Variants in FOXD1 observed in about 807,000 individuals in gnomAD.
FOXD1 encodes forkhead box protein D1.
FOXD1 carries 4 observed loss-of-function variants against 2.0 expected under a neutral mutation model. The observed-to-expected ratio is 2.03, with a 90% CI of 1.00 to 4.64. The LOEUF is 4.64. FOXD1 is among the 30% of genes most tolerant of loss of function. The probability of loss-of-function intolerance (pLI) is 0.01; values close to 1 mark genes in which losing one functional copy is unlikely to be tolerated. For synonymous variants in FOXD1, 354 were observed against 328.5 expected, an observed-to-expected ratio of 1.08 and a Z score of -0.84; for missense variants, 586 against 647.6, an observed-to-expected ratio of 0.90 and a Z score of 1.03.
chr5:73,448,403 C>G lies in FOXD1; in HGVS notation c.-41G>C, dbSNP rs1277179747. ...GCGGCGGGGCGGCGCATGGGGGCGC[C>G]GGGCTCCGGGCTCCCTCTGCGCCCC... On this transcript the variant is annotated 5_prime_UTR_variant, in exon 1 of 1. Coordinates refer to ENST00000615637, the MANE Select transcript of FOXD1 (RefSeq NM_004472.3). The G allele has an allele frequency of 1.4e-5, 16 of 1,130,156 alleles. No individual in the cohort carries two copies. Among genetic ancestry groups the G allele is most frequent in the African/African-American group, 1.2e-4 (7 of 59,714 alleles). 70.0% of individuals were successfully genotyped at this position (1,130,156 alleles called of 1,614,324 possible).
chr5:73,447,255 C>G lies in FOXD1; in HGVS notation c.1108G>C (p.Gly370Arg). 1.0e-6 allele frequency: 1 copy of G among 991,462 alleles called. No homozygotes were observed. The highest frequency in any genetic ancestry group is 1.2e-6 in the Non-Finnish European group (1 of 837,416). 61.4% of individuals were successfully genotyped at this position (991,462 alleles called of 1,614,324 possible). A position where few individuals can be genotyped will look rare whatever the true frequency, so the allele number is the denominator to read the frequency against. The change falls in exon 1 of 1, where the codon GGC (glycine) becomes CGC (arginine). Residue 370 changes from glycine (G) to arginine (R), a missense_variant. Gly to Arg is a moderately radical substitution (Grantham distance 125, BLOSUM62 -2). Coordinates refer to ENST00000615637, the MANE Select transcript of FOXD1 (RefSeq NM_004472.3). The surrounding 1 kb of genome is among the most constrained non-coding windows in gnomAD (Gnocchi z 7.8). ...GCAGCGGCGGCCGGGCCCAAGCTGC[C>G]CCCGATGATGCTCTCGATGGAGAAG... ...SPFSIESIIG[G>R]SLGPAAAAAA... is the part of the protein sequence containing the mutation.
rs1745549030 is a variant in FOXD1, at chr5:73,448,264, C to T, written c.99G>A (p.Glu33=). 7 of 1,479,430 alleles carry T rather than the reference C, an allele frequency of 4.7e-6. No homozygotes were observed. The East Asian group carries it at 2.0e-4, about 43-fold the overall frequency. 91.6% of individuals were successfully genotyped at this position (1,479,430 alleles called of 1,614,324 possible). The change falls in exon 1 of 1, where the codon GAG becomes GAA. Residue 33 remains glutamate (E), a synonymous_variant. Transcript: ENST00000615637. ...CACCGCCGCCCTCGTCGTCGTCCTC[C>T]TCTTCCTCGTCTTCTTCGTCCTCGC... ...GEGEDEEDEE[E]EDDDEGGGGG... is the part of the protein sequence containing the mutation.
In FOXD1 at chr5:73,448,510, G is replaced by A. The variant is rs1173296094; in HGVS notation, c.-148C>T. On this transcript the variant is annotated 5_prime_UTR_variant, in exon 1 of 1. Coordinates refer to ENST00000615637, the MANE Select transcript of FOXD1 (RefSeq NM_004472.3). ...ACTGCGGCTGCCGGAGCTGCGCCGG[G>A]GCTGCCGGGTGGCGGCGGAGTCTCG... 3.1e-6 allele frequency: 1 copy of A among 322,960 alleles called. No individual in the cohort carries two copies. Among genetic ancestry groups the A allele is most frequent in the Non-Finnish European group, 4.5e-6 (1 of 224,406 alleles). The allele number at this position is 322,960 out of a possible 1,614,324, so 20.0% of individuals were successfully genotyped here.
Position 73,447,261 on chromosome 5 carries a change from T to C in FOXD1, c.1102A>G (p.Ile368Val). The change falls in exon 1 of 1, where the codon ATC (isoleucine) becomes GTC (valine). Residue 368 changes from isoleucine to valine, a missense_variant. Coordinates refer to ENST00000615637, the MANE Select transcript of FOXD1 (RefSeq NM_004472.3). This position sits in a 1 kb window ranked among gnomAD's most constrained non-coding sequence, Gnocchi z 7.8. ...GCGGCCGGGCCCAAGCTGCCCCCGA[T>C]GATGCTCTCGATGGAGAAGGGCGAG... ...ARSPFSIESI[I>V]GGSLGPAAAA... The C allele has an allele frequency of 2.0e-6, 2 of 989,636 alleles. No homozygotes were observed. The highest frequency in any genetic ancestry group is 2.4e-6 in the Non-Finnish European group (2 of 836,972). The allele number at this position is 989,636 out of a possible 1,614,324, so 61.3% of individuals were successfully genotyped here.
Position 73,448,288 on chromosome 5 carries a change from G to A in FOXD1, c.75C>T (p.Gly25=), listed in dbSNP as rs374981506. The change falls in exon 1 of 1, where the codon GGC becomes GGT. Residue 25 remains glycine (G), a synonymous_variant. Transcript: ENST00000615637. The part of the protein sequence containing the change: ...EETDIDVVGE[G]EDEEDEEEED... The stretch of plus-strand genomic sequence containing the variant: ...CCTCTTCCTCGTCTTCTTCGTCCTC[G>A]CCCTCCCCCACCACGTCGATGTCTG... The A allele has an allele frequency of 2.7e-6, 4 of 1,471,328 alleles. No homozygotes were observed. The highest frequency in any genetic ancestry group is 1.3e-5 in the South Asian group (1 of 78,638). 91.1% of individuals were successfully genotyped at this position (1,471,328 alleles called of 1,614,324 possible).
Position 73,447,695 on chromosome 5 carries a change from C to G in FOXD1, c.668G>C (p.Arg223Pro), listed in dbSNP as rs1044311080. ...GGCGTTGGGTGGGAGCAGCGGCTGC[C>G]GCTTGAAGCGCTTCCTCCGGCGCAG... ...SFLRRRKRFK[R>P]QPLLPPNAAA... The change falls in exon 1 of 1, where the codon CGG becomes CCG. Residue 223 changes from arginine (R) to proline (P), a missense_variant. This residue lies in a region of FOXD1 where 253 missense variants were observed against 234.4 expected (regional missense o/e 1.08). Coordinates refer to ENST00000615637, the MANE Select transcript of FOXD1 (RefSeq NM_004472.3). The surrounding 1 kb of genome is among the most constrained non-coding windows in gnomAD (Gnocchi z 7.8). 1.9e-6 allele frequency: 3 copies of G among 1,605,244 alleles called. No individual in the cohort carries two copies. Among genetic ancestry groups the G allele is most frequent in the African/African-American group, 2.7e-5 (2 of 74,434 alleles).
rs1484332670 is a variant in FOXD1, at chr5:73,448,207, C to T, written c.156G>A (p.Arg52=). ...GGPRLAVPAQ[R]RRRRRSYAGE... ...CGGCGTACGAGCGCCGCCGCCGCCG[C>T]CGCTGCGCGGGGACAGCCAGCCGGG... Residue 52 remains arginine, a synonymous_variant, in exon 1 of 1, where the codon CGG becomes CGA. Coordinates refer to ENST00000615637, the MANE Select transcript of FOXD1 (RefSeq NM_004472.3). 6.1e-6 allele frequency: 9 copies of T among 1,464,080 alleles called. No homozygotes were observed. Among genetic ancestry groups the T allele is most frequent in the Admixed American group, 2.4e-5 (1 of 40,868 alleles). The allele number at this position is 1,464,080 out of a possible 1,614,324, so 90.7% of individuals were successfully genotyped here. A position where few individuals can be genotyped will look rare whatever the true frequency, so the allele number is the denominator to read the frequency against.
chr5:73,447,217 C>CGCGGCGGCG lies in FOXD1; in HGVS notation c.1137_1145dup (p.Ala380_Ala382dup). 2.2e-6 allele frequency: 2 copies of CGCGGCGGCG among 903,854 alleles called. No individual in the cohort carries two copies. Among genetic ancestry groups the CGCGGCGGCG allele is most frequent in the South Asian group, 4.8e-5 (1 of 20,888 alleles). 56.0% of individuals were successfully genotyped at this position (903,854 alleles called of 1,614,324 possible). ...AGGCCTGAGCGGCGGCGGCGGCCTG[C>CGCGGCGGCG]GCGGCGGCGGCGGCAGCGGCGGCCG... On this transcript the variant is annotated inframe_insertion, in exon 1 of 1. Coordinates refer to ENST00000615637, the MANE Select transcript of FOXD1 (RefSeq NM_004472.3). This position sits in a 1 kb window ranked among gnomAD's most constrained non-coding sequence, Gnocchi z 7.8.
chr5:73,447,351 G>C lies in FOXD1; in HGVS notation c.1012C>G (p.Leu338Val). ...GCGGAGGCCGGCAGGGGGCCGGGTA[G>C]GGCGGCGCCGAGCGGGTGCGGCCGG... ...GYRPHPLGAA[L>V]PGPLPASAAK... The change falls in exon 1 of 1, where the codon CTA becomes GTA. Residue 338 changes from leucine (L) to valine (V), a missense_variant. Leu to Val is a conservative substitution (Grantham distance 32, BLOSUM62 1). Coordinates refer to ENST00000615637, the MANE Select transcript of FOXD1 (RefSeq NM_004472.3). The surrounding 1 kb of genome is among the most constrained non-coding windows in gnomAD (Gnocchi z 7.8). 1.0e-6 allele frequency: 1 copy of C among 983,488 alleles called. No homozygotes were observed. Among genetic ancestry groups the C allele is most frequent in the Non-Finnish European group, 1.2e-6 (1 of 830,032 alleles). 60.9% of individuals were successfully genotyped at this position (983,488 alleles called of 1,614,324 possible). A position where few individuals can be genotyped will look rare whatever the true frequency, so the allele number is the denominator to read the frequency against.
Position 73,447,730 on chromosome 5 carries a change from G to A in FOXD1, c.633C>T (p.Asn211=), listed in dbSNP as rs1435214443. The A allele has an allele frequency of 6.2e-7, 1 of 1,610,528 alleles. No homozygotes were observed. Among genetic ancestry groups the A allele is most frequent in the Non-Finnish European group, 8.5e-7 (1 of 1,178,512 alleles). The change falls in exon 1 of 1, where the codon AAC becomes AAT. Residue 211 remains asparagine (N), a synonymous_variant. Coordinates refer to ENST00000615637, the MANE Select transcript of FOXD1 (RefSeq NM_004472.3). This position sits in a 1 kb window ranked among gnomAD's most constrained non-coding sequence, Gnocchi z 7.8. The stretch of plus-strand genomic sequence containing the variant: ...GCTTCCTCCGGCGCAGGAAGCTGCC[G>A]TTGTCGAACATGTCGGCGGACTCCG... ...LDPESADMFD[N]GSFLRRRKRF...
rs1428399134 is a variant in FOXD1, at chr5:73,446,838, G to T, written c.*127C>A. On this transcript the variant is annotated 3_prime_UTR_variant, in exon 1 of 1. Transcript: ENST00000615637. ...ACAGTTTTGTCCGAGAATTCGCAGC[G>T]GCGAAAATGGGCGCGCGAGGTCGAG... is the stretch of plus-strand genomic sequence containing the variant. The T allele has an allele frequency of 6.2e-6, 5 of 804,932 alleles. No individual in the cohort carries two copies. The East Asian group carries it at 1.6e-4, about 26-fold the overall frequency. 49.9% of individuals were successfully genotyped at this position (804,932 alleles called of 1,614,324 possible).
chr5:73,447,179 G>A lies in FOXD1; in HGVS notation c.1184C>T (p.Ser395Leu), dbSNP rs1271405971. 1 of 1,033,102 alleles carries A rather than the reference G, an allele frequency of 9.7e-7. No individual in the cohort carries two copies. The highest frequency in any genetic ancestry group is 1.2e-6 in the Non-Finnish European group (1 of 864,626). 64.0% of individuals were successfully genotyped at this position (1,033,102 alleles called of 1,614,324 possible). Residue 395 changes from serine (S) to leucine (L), a missense_variant, in exon 1 of 1, where the codon TCG becomes TTG. By Grantham distance (145) the Ser-to-Leu change is moderately radical. Coordinates refer to ENST00000615637, the MANE Select transcript of FOXD1 (RefSeq NM_004472.3). This position sits in a 1 kb window ranked among gnomAD's most constrained non-coding sequence, Gnocchi z 7.8. ...AAAAQASPSP[S>L]PVAAPPAPGS... The stretch of plus-strand genomic sequence containing the variant: ...GGGAGCTGGCGGCGCCGCCACCGGC[G>A]AGGGCGAGGGCGAGGCCTGAGCGGC...
chr5:73,448,708 C>T lies in FOXD1; in HGVS notation c.-346G>A, dbSNP rs1745561095. Reference sequence around the variant, plus strand: ...GGCCCGGGCGGGCGAATCAGAACGCCAGGCGCCCAGGAACGTGCGGGACGG... The same window carrying T: ...GGCCCGGGCGGGCGAATCAGAACGCTAGGCGCCCAGGAACGTGCGGGACGG... On this transcript the variant is annotated 5_prime_UTR_variant, in exon 1 of 1. Transcript: ENST00000615637. Among the ~76,000 whole-genome samples the T allele has an allele frequency of 6.6e-6, 1 of 152,020 alleles. No homozygotes were observed. The highest frequency in any genetic ancestry group is 2.4e-5 in the African/African-American group (1 of 41,424).
rs761266002 is a variant in FOXD1, at chr5:73,448,244, C to A, written c.119G>T (p.Gly40Val). Residue 40 changes from glycine to valine, a missense_variant, in exon 1 of 1, where the codon GGC becomes GTC. Transcript: ENST00000615637. ...DEEEEDDDEGGGGGPRLAVPA... is the reference protein window; with the variant it reads ...DEEEEDDDEGVGGGPRLAVPA... ...GACAGCCAGCCGGGGCCCGCCACCGCCGCCCTCGTCGTCGTCCTCCTCTTC... is the reference window on the plus strand; with the variant it reads ...GACAGCCAGCCGGGGCCCGCCACCGACGCCCTCGTCGTCGTCCTCCTCTTC... The A allele has an allele frequency of 1.2e-5, 18 of 1,482,324 alleles. No homozygotes were observed. The highest frequency in any genetic ancestry group is 2.3e-5 in the Admixed American group (1 of 44,404). The allele number at this position is 1,482,324 out of a possible 1,614,324, so 91.8% of individuals were successfully genotyped here.
rs1473975228 is a variant in FOXD1, at chr5:73,448,612, GC to G, written c.-251del. ...GCTCCCTGGGCTCCGCTCGCGCCCGGCCCGGGCGGAGGACTTGACCTTCTCC... is the reference window on the plus strand; with the variant it reads ...GCTCCCTGGGCTCCGCTCGCGCCCGGCCGGGCGGAGGACTTGACCTTCTCC... On this transcript the variant is annotated 5_prime_UTR_variant, in exon 1 of 1. Transcript: ENST00000615637. The G allele has an allele frequency of 1.3e-5, 2 of 152,288 alleles. No individual in the cohort carries two copies. Among genetic ancestry groups the G allele is most frequent in the African/African-American group, 4.8e-5 (2 of 41,432 alleles). 9.4% of individuals were successfully genotyped at this position (152,288 alleles called of 1,614,324 possible).
In FOXD1 at chr5:73,448,219, G is replaced by A; in HGVS notation, c.144C>T (p.Val48=). 3 of 1,480,168 alleles carry A rather than the reference G, an allele frequency of 2.0e-6. No individual in the cohort carries two copies. Among genetic ancestry groups the A allele is most frequent in the South Asian group, 2.5e-5 (2 of 78,994 alleles). The allele number at this position is 1,480,168 out of a possible 1,614,324, so 91.7% of individuals were successfully genotyped here. Residue 48 remains valine (V), a synonymous_variant, in exon 1 of 1, where the codon GTC becomes GTT. Transcript: ENST00000615637. ...GCCGCCGCCGCCGCCGCTGCGCGGGGACAGCCAGCCGGGGCCCGCCACCGC... is the reference window on the plus strand; with the variant it reads ...GCCGCCGCCGCCGCCGCTGCGCGGGAACAGCCAGCCGGGGCCCGCCACCGC... ...EGGGGGPRLA[V]PAQRRRRRRS...
chr5:73,446,950 G>C lies in FOXD1; in HGVS notation c.*15C>G. 2 of 1,537,834 alleles carry C rather than the reference G, an allele frequency of 1.3e-6. No individual in the cohort carries two copies. The highest frequency in any genetic ancestry group is 8.8e-7 in the Non-Finnish European group (1 of 1,138,038). On this transcript the variant is annotated 3_prime_UTR_variant, in exon 1 of 1. Coordinates refer to ENST00000615637, the MANE Select transcript of FOXD1 (RefSeq NM_004472.3). ...GATTCCTACCTTCTTCCTCGAGCGC[G>C]CTAACATAGCGTTATTAACAATTGG...
Position 73,446,986 on chromosome 5 carries a change from A to T in FOXD1, c.1377T>A (p.Thr459=), listed in dbSNP as rs1561240529. The change falls in exon 1 of 1, where the codon ACT becomes ACA. Residue 459 remains threonine (T), a synonymous_variant. Transcript: ENST00000615637. ...GTTATTAACAATTGGAAATCCTAGC[A>T]GTAAAGTTCTCGACACTGGACAGGG... is the stretch of plus-strand genomic sequence containing the variant. ...GTALSSVENF[T]ARISNC The T allele has an allele frequency of 1.3e-6, 2 of 1,547,678 alleles. No individual in the cohort carries two copies. Among genetic ancestry groups the T allele is most frequent in the Non-Finnish European group, 1.7e-6 (2 of 1,145,246 alleles).
Position 73,448,076 on chromosome 5 carries a change from G to A in FOXD1, c.287C>T (p.Ala96Val). ...SPAPPGPAPAAGAGAGGGGGG... is the reference protein window; with the variant it reads ...SPAPPGPAPAVGAGAGGGGGG... ...GCCGCCCCCACCGGCTCCTGCCCCC[G>A]CCGCCGGGGCCGGGCCCGGGGGCGC... Residue 96 changes from alanine (A) to valine (V), a missense_variant, in exon 1 of 1, where the codon GCG becomes GTG. This residue lies in a region of FOXD1 where 183 missense variants were observed against 159.2 expected (regional missense o/e 1.15). Coordinates refer to ENST00000615637, the MANE Select transcript of FOXD1 (RefSeq NM_004472.3). 8.9e-7 allele frequency: 1 copy of A among 1,120,728 alleles called. No individual in the cohort carries two copies. Among genetic ancestry groups the A allele is most frequent in the Non-Finnish European group, 1.1e-6 (1 of 915,290 alleles). 69.4% of individuals were successfully genotyped at this position (1,120,728 alleles called of 1,614,324 possible). A position where few individuals can be genotyped will look rare whatever the true frequency, so the allele number is the denominator to read the frequency against.
Sources: allele counts gnomAD v4.1 joint callset (sites outside exome capture counted in the v4.1 genomes callset), GRCh38; gene constraint gnomAD v4.1.1; regional missense constraint gnomAD v4.1.1; non-coding constraint Gnocchi (gnomAD v3.1); transcripts MANE v1.5; gene names NCBI Gene and HGNC (gene_info 2026-07-23, HGNC 2026-07-21).